DCC: variants seen among roughly 807,000 people sequenced by gnomAD.
The protein encoded by DCC is netrin receptor DCC.
DCC carries 58 observed loss-of-function variants against 172.5 expected under a neutral mutation model. The observed-to-expected ratio is 0.34, with a 90% confidence interval of 0.27 to 0.42. DCC has a LOEUF of 0.42. Among genes scored for constraint, DCC ranks in the 10% least tolerant of loss-of-function variants. DCC has a pLI of 1.00. For synonymous variants in DCC, 709 were observed against 644.5 expected, an observed-to-expected ratio of 1.10 and a Z score of -1.52; for missense variants, 1,740 against 1,791.0, an observed-to-expected ratio of 0.97 and a Z score of 0.51.
intron 9 of DCC, among the ~76,000 whole-genome samples, chr18:53,189,948 C>T (rs979141154): frequency 3.3e-4 from 50 of 152,114 alleles, no homozygotes; most frequent in South Asian, 1.5e-3. Context: ...TATTTTGAGA[C>T]GGAGTTTCAC....
intron 21 of DCC, among the ~76,000 whole-genome samples, chr18:53,430,171 A>AT (rs1779411114): frequency 6.6e-6 from 1 of 152,128 alleles, no homozygotes; most frequent in Non-Finnish European, 1.5e-5. Context: ...CATTAGAATT[A>AT]TTTTCAGAGA....
chr18:52,853,467 C>T (rs1377492507), intron 2 of DCC, among the ~76,000 whole-genome samples: 1 of 152,170 alleles, frequency 6.6e-6, no homozygotes, highest in African/African-American at 2.4e-5. Context: ...TGAAACGGTA[C>T]ACTTTTCAGG....
intron 8 of DCC, among the ~76,000 whole-genome samples, chr18:53,176,280 T>G (rs12458381): frequency 0.29 from 35,655 of 121,802 alleles, 5,019 homozygotes; most frequent in East Asian, 0.53. Flanking sequence ...AAGGACTTCA[T>G]GTCTAAAACA....
intron 8 of DCC, among the ~76,000 whole-genome samples, chr18:53,165,123 G>A (rs958366008): frequency 6.6e-6 from 1 of 152,154 alleles, no homozygotes; most frequent in Non-Finnish European, 1.5e-5. Context: ...CAATAATACT[G>A]TGAGGTAGGC....
At chr18:52,358,244 C>T (rs1984465544) in intron 1 of DCC, among the ~76,000 whole-genome samples, 1 of 152,162 alleles carries the variant, frequency 6.6e-6, no homozygotes, top group Admixed American at 6.5e-5. Flanking sequence ...GATTCTTATA[C>T]ACACTTCACT....
rs1157499151 is a variant in DCC at position 53,178,951 on chromosome 18, T to C, written c.1419-11T>C. 2 of 1,613,828 alleles carry C rather than the reference T, an allele frequency of 1.2e-6. No individual in the cohort carries two copies. The highest frequency in any genetic ancestry group is 1.3e-5 in the African/African-American group (1 of 74,914). On this transcript the variant is annotated splice_polypyrimidine_tract_variant and intron_variant, in intron 8 of 28. Coordinates refer to ENST00000442544, the MANE Select transcript of DCC (RefSeq NM_005215.4). The stretch of plus-strand genomic sequence containing the variant: ...TTGGAATAATCTTTCTCTGCAACTT[T>C]GATTTCTCAGGGAACGAGCATTGAA...
At chr18:53,051,183 T>G (rs1051866814) in intron 5 of DCC, among the ~76,000 whole-genome samples, 2 of 152,122 alleles carry the variant, frequency 1.3e-5, no homozygotes, top group Non-Finnish European at 2.9e-5. Context: ...TGAGCCATGA[T>G]TATACCATTG....
intron 1 of DCC, among the ~76,000 whole-genome samples, chr18:52,527,545 A>G (rs2032019832): frequency 6.6e-6 from 1 of 152,242 alleles, no homozygotes; most frequent in African/African-American, 2.4e-5. Context: ...TGTGTTGGAA[A>G]AATGCAGAGT....
chr18:52,914,841 C>T, intron 3 of DCC, among the ~76,000 whole-genome samples: 1 of 152,078 alleles, frequency 6.6e-6, no homozygotes, highest in East Asian at 1.9e-4. Flanking sequence ...AACTAGCTCT[C>T]TGAAGTTAAA....
At position 53,535,550 on chromosome 18, in the gene DCC, C is replaced by T. The variant is rs1253960747; in HGVS notation, c.*4897C>T. ...TTATTTGGTAGAAATGGGTATACTA[C>T]AGCTTTAACTAGCCTTAGTGAGAAA... is the stretch of plus-strand genomic sequence containing the variant. On this transcript the variant is annotated 3_prime_UTR_variant, in exon 29 of 29. Coordinates refer to ENST00000442544, the MANE Select transcript of DCC (RefSeq NM_005215.4). 2 of 152,226 alleles carry T rather than the reference C, an allele frequency of 1.3e-5. No individual in the cohort carries two copies. Among genetic ancestry groups the T allele is most frequent in the African/African-American group, 4.8e-5 (2 of 41,456 alleles). The allele number at this position is 152,226 out of a possible 1,614,324, so 9.4% of individuals were successfully genotyped here. A position where few individuals can be genotyped will look rare whatever the true frequency, so the allele number is the denominator to read the frequency against.
At chr18:52,663,704 G>A (rs1460195518) in intron 1 of DCC, among the ~76,000 whole-genome samples, 2 of 152,052 alleles carry the variant, frequency 1.3e-5, no homozygotes, top group African/African-American at 2.4e-5. Flanking sequence ...GAAGAAGTAT[G>A]TTTTGAATAG....
chr18:52,488,825 G>C (rs943001435), intron 1 of DCC, among the ~76,000 whole-genome samples: 6 of 152,002 alleles, frequency 3.9e-5, no homozygotes, highest in Non-Finnish European at 5.9e-5. Flanking sequence ...TGTGTTCTCT[G>C]CATGCCCTAA....
intron 7 of DCC, among the ~76,000 whole-genome samples, chr18:53,070,155 G>GTTTA (rs1382198924): frequency 2.6e-5 from 4 of 151,828 alleles, no homozygotes; most frequent in Non-Finnish European, 5.9e-5. Flanking sequence ...AATTTTATTT[G>GTTTA]TTTATTTATT....
At chr18:52,965,848 A>G (rs1215631054) in intron 5 of DCC, among the ~76,000 whole-genome samples, 1 of 152,164 alleles carries the variant, frequency 6.6e-6, no homozygotes, top group Non-Finnish European at 1.5e-5. Context: ...TGGATCCATT[A>G]GCTCAATGAT....
chr18:53,241,766 T>C (rs762448654), intron 12 of DCC, among the ~76,000 whole-genome samples: 67 of 152,132 alleles, frequency 4.4e-4, no homozygotes, highest in Non-Finnish European at 7.4e-4. Context: ...GGCTGCGCAC[T>C]AAGTCTGGTA....
chr18:52,719,690 C>A (rs954915718), intron 1 of DCC, among the ~76,000 whole-genome samples: 2 of 152,042 alleles, frequency 1.3e-5, no homozygotes. Context: ...GAGAAGAGGC[C>A]CAGCTTTTGA....
chr18:52,737,687 G>A (rs2145106427), intron 1 of DCC, among the ~76,000 whole-genome samples: 1 of 152,256 alleles, frequency 6.6e-6, no homozygotes, highest in South Asian at 2.1e-4. Flanking sequence ...AAGGATCTGT[G>A]GCTCTGGACT....
At chr18:53,097,734 G>T (rs899877664) in intron 7 of DCC, among the ~76,000 whole-genome samples, 1 of 152,070 alleles carries the variant, frequency 6.6e-6, no homozygotes, top group Non-Finnish European at 1.5e-5. Context: ...TTCATTTACT[G>T]GTAAGGGCTC....
At chr18:52,883,350 A>ATTTATTTATT (rs1270659885) in intron 2 of DCC, among the ~76,000 whole-genome samples, 1 of 34,108 alleles carries the variant, frequency 2.9e-5, no homozygotes, top group African/African-American at 7.5e-5. Flanking sequence ...TTATTTATTT[A>ATTTATTTATT]TGTGTGTGTG....
Sources: gnomAD v4.1 joint callset for allele counts (sites outside exome capture counted in the v4.1 genomes callset) on GRCh38, gnomAD v4.1.1 for gene constraint, MANE v1.5 for transcripts, NCBI Gene and HGNC (gene_info 2026-07-23, HGNC 2026-07-21) for gene names.